ANKFN1: variants seen among roughly 807,000 people sequenced by gnomAD.
The protein encoded by ANKFN1 is ankyrin repeat and fibronectin type-III domain-containing protein 1.
A neutral mutation model predicts 108.7 loss-of-function variants in ANKFN1; 74 were observed. That is an observed-to-expected ratio of 0.68 (90% confidence interval 0.56 to 0.83). The LOEUF (loss-of-function observed/expected upper bound fraction) is 0.83, where lower values mean the gene tolerates loss of function less well. Ranked by LOEUF, ANKFN1 falls within the 40% of genes least tolerant of loss-of-function variation. ANKFN1 has a pLI of 0.00. For missense variants in ANKFN1, 1,505 were observed against 1,382.3 expected (o/e 1.09, Z -1.41); for synonymous variants, 547 against 516.2 (o/e 1.06, Z -0.81).
At chr17:56,354,468 A>C (rs2046325104) in intron 6 of ANKFN1, among the ~76,000 whole-genome samples, 1 of 152,182 alleles carries the variant, frequency 6.6e-6, no homozygotes. Flanking sequence ...ACACTGTTCT[A>C]GGTGCTAGGA....
intron 4 of ANKFN1, among the ~76,000 whole-genome samples, chr17:56,329,369 GC>G (rs2045603216): frequency 6.6e-6 from 1 of 152,020 alleles, no homozygotes; most frequent in Admixed American, 6.6e-5. Flanking sequence ...TACCTAGAAT[GC>G]CCCTTTTCCC....
chr17:56,482,275 G>GT (rs958165462), intron 17 of ANKFN1, 81 bp from the exon 18 acceptor site: 2 of 1,295,540 alleles, frequency 1.5e-6, no homozygotes, highest in Non-Finnish European at 2.1e-6. Context: ...TTTGTGAGAT[G>GT]TTTTATGCCA....
chr17:56,175,841 A>C (rs1028560089), intron 1 of ANKFN1, among the ~76,000 whole-genome samples: 21 of 143,386 alleles, frequency 1.5e-4, no homozygotes, highest in African/African-American at 4.9e-4. Context: ...TTGACACACA[A>C]CTCTGATTGA....
At chr17:56,139,556 C>A (rs1243205335) in intron 4 of ANKFN1, among the ~76,000 whole-genome samples, 1 of 152,148 alleles carries the variant, frequency 6.6e-6, no homozygotes, top group South Asian at 2.1e-4. Context: ...ATTTTCCCCC[C>A]ATTATGCTCT....
chr17:56,065,102 T>C (rs1331000677), intron 4 of ANKFN1, among the ~76,000 whole-genome samples: 1 of 152,182 alleles, frequency 6.6e-6, no homozygotes, highest in Non-Finnish European at 1.5e-5. Flanking sequence ...AGGATCCTCA[T>C]GCTTATTATG....
intron 8 of ANKFN1, among the ~76,000 whole-genome samples, chr17:56,387,360 C>T (rs1185609753): frequency 6.6e-6 from 1 of 152,120 alleles, no homozygotes; most frequent in Non-Finnish European, 1.5e-5. Context: ...TTGTAACTAT[C>T]ACTTATTTGT....
At chr17:56,282,066 C>T (rs755306748) in intron 3 of ANKFN1, among the ~76,000 whole-genome samples, 1 of 151,886 alleles carries the variant, frequency 6.6e-6, no homozygotes, top group Non-Finnish European at 1.5e-5. Flanking sequence ...CATCATAGCC[C>T]CAAAGTGAAA....
At chr17:56,246,526 C>T (rs1161972615) in intron 3 of ANKFN1, among the ~76,000 whole-genome samples, 1 of 152,062 alleles carries the variant, frequency 6.6e-6, no homozygotes, top group Non-Finnish European at 1.5e-5. Flanking sequence ...ATTTTCTTTA[C>T]AAACTCCTTG....
intron 4 of ANKFN1, among the ~76,000 whole-genome samples, chr17:56,101,732 C>A (rs11870666): frequency 2.6e-5 from 4 of 152,092 alleles, no homozygotes; most frequent in Non-Finnish European, 5.9e-5. Flanking sequence ...CGGGTATTGG[C>A]AGCAAATTGA....
At position 56,372,164 on chromosome 17, in the gene ANKFN1, AG is replaced by A. The variant is rs569848399; in HGVS notation, c.602-480del. Among the ~76,000 whole-genome samples the A allele has an allele frequency of 1.1e-4, 17 of 152,362 alleles. 1 individual carries two copies. The East Asian group carries it at 3.3e-3, about 29-fold the overall frequency. ...CTATAAGCTGGGAAGAATGTGTTAA[AG>A]GCAGAAAATTTGAATCAGGTTCTAC... is the stretch of plus-strand genomic sequence containing the variant. On this transcript the variant is annotated intron_variant, in intron 6 of 20. Transcript: ENST00000682825.
intron 3 of ANKFN1, among the ~76,000 whole-genome samples, chr17:56,271,495 A>G (rs1352132156): frequency 1.3e-5 from 2 of 152,238 alleles, no homozygotes; most frequent in Admixed American, 6.5e-5. Flanking sequence ...ACATAAGCTT[A>G]AGAAGCCAGG....
intron 4 of ANKFN1, among the ~76,000 whole-genome samples, chr17:56,120,376 T>G (rs1045839645): frequency 3.3e-5 from 5 of 152,170 alleles, no homozygotes; most frequent in Non-Finnish European, 7.4e-5. Flanking sequence ...ATTTTCTCCC[T>G]AGAGTTGACC....
At chr17:56,467,816 A>AAG (rs1491441893) in intron 15 of ANKFN1, among the ~76,000 whole-genome samples, 2 of 42,370 alleles carry the variant, frequency 4.7e-5, no homozygotes, top group African/African-American at 2.7e-4. Context: ...GAAAGAAAGA[A>AAG]AGAAAGAAAG....
At chr17:56,204,058 T>G (rs908955324) in intron 1 of ANKFN1, among the ~76,000 whole-genome samples, 1 of 152,128 alleles carries the variant, frequency 6.6e-6, no homozygotes, top group African/African-American at 2.4e-5. Context: ...AATTAATTAA[T>G]TTTTTAGAGA....
At chr17:56,199,109 C>A (rs146348279) in intron 1 of ANKFN1, among the ~76,000 whole-genome samples, 4 of 151,808 alleles carry the variant, frequency 2.6e-5, no homozygotes, top group African/African-American at 9.7e-5. Context: ...TGGCATGGCC[C>A]CCATCTTTTC....
At chr17:56,205,974 A>C (rs1914498034) in intron 1 of ANKFN1, among the ~76,000 whole-genome samples, 1 of 151,676 alleles carries the variant, frequency 6.6e-6, no homozygotes, top group Admixed American at 6.6e-5. Context: ...TTCCATCCAC[A>C]TTTTCCCTGC....
intron 4 of ANKFN1, among the ~76,000 whole-genome samples, chr17:56,048,530 T>C (rs1904719140): frequency 6.6e-6 from 1 of 152,198 alleles, no homozygotes; most frequent in African/African-American, 2.4e-5. Flanking sequence ...CTGGCCCCCT[T>C]TTTTAAAACT....
chr17:56,371,156 G>A (rs141611889), intron 6 of ANKFN1, among the ~76,000 whole-genome samples: 1,621 of 152,122 alleles, frequency 0.011, 20 homozygotes, highest in Admixed American at 0.02. Context: ...AAAAAAAAGT[G>A]TGACAGTATT....
At chr17:56,378,357 T>C (rs551942697) in intron 8 of ANKFN1, among the ~76,000 whole-genome samples, 1 of 152,290 alleles carries the variant, frequency 6.6e-6, no homozygotes, top group South Asian at 2.1e-4. Flanking sequence ...TGACTTGGAC[T>C]ATCTTTTCTA....
Sources: gnomAD v4.1 joint callset for allele counts (sites outside exome capture counted in the v4.1 genomes callset) on GRCh38, gnomAD v4.1.1 for gene constraint, MANE v1.5 for transcripts, NCBI Gene and HGNC (gene_info 2026-07-23, HGNC 2026-07-21) for gene names.